The following TCF7L2 variants were observed in gnomAD, a reference collection of about 807,000 sequenced individuals.
TCF7L2 encodes transcription factor 7 like 2.
Under a neutral mutation model 77.9 loss-of-function variants are expected in TCF7L2, and 23 were observed. The observed-to-expected ratio is 0.30, with a 90% confidence interval of 0.21 to 0.42. TCF7L2 has a LOEUF of 0.42. TCF7L2 is among the 10% of genes least tolerant of loss of function. TCF7L2 has a pLI of 1.00. For synonymous variants in TCF7L2, 413 were observed against 340.2 expected (o/e 1.21, Z -2.36); for missense variants, 654 against 793.1 (o/e 0.82, Z 2.11).
chr10:113,011,892 C>T (rs1037557475), intron 4 of TCF7L2, among the ~76,000 whole-genome samples: 5 of 148,990 alleles, frequency 3.4e-5, no homozygotes, highest in African/African-American at 1.2e-4. Flanking sequence ...TGCTGTTGAG[C>T]ATTACTACCT....
chr10:112,995,478 G>A (rs1017448226), intron 4 of TCF7L2, among the ~76,000 whole-genome samples: 8 of 152,166 alleles, frequency 5.3e-5, no homozygotes, highest in East Asian at 1.9e-4. Flanking sequence ...CTTGGACACC[G>A]GTGGTGCAGC....
intron 5 of TCF7L2, among the ~76,000 whole-genome samples, chr10:113,118,815 G>A (rs978542851): frequency 2.0e-5 from 3 of 151,622 alleles, no homozygotes; most frequent in Non-Finnish European, 2.9e-5. Flanking sequence ...TTTGTATTAC[G>A]CTCTGGGATT....
chr10:113,060,402 A>G (rs1157315548), intron 5 of TCF7L2, among the ~76,000 whole-genome samples: 1 of 152,204 alleles, frequency 6.6e-6, no homozygotes, highest in Non-Finnish European at 1.5e-5. Flanking sequence ...TTACAAAAGC[A>G]GTGACTGAGC....
intron 3 of TCF7L2, among the ~76,000 whole-genome samples, chr10:112,959,677 C>G (rs1050037349): frequency 6.6e-6 from 1 of 152,076 alleles, no homozygotes; most frequent in African/African-American, 2.4e-5. Flanking sequence ...CAGAGGCCCC[C>G]CTTGGTACTT....
At chr10:113,146,497 T>G (rs1204869237) in intron 8 of TCF7L2, among the ~76,000 whole-genome samples, 3 of 152,288 alleles carry the variant, frequency 2.0e-5, no homozygotes, top group East Asian at 3.9e-4. Context: ...CAGACTCTGA[T>G]TGCAAGTCAA....
At chr10:113,123,163 C>G (rs2065055041) in intron 5 of TCF7L2, among the ~76,000 whole-genome samples, 1 of 152,172 alleles carries the variant, frequency 6.6e-6, no homozygotes, top group African/African-American at 2.4e-5. Context: ...AATAGCAGAT[C>G]AATAAGTTTC....
chr10:112,964,074 G>A (rs756135732), intron 3 of TCF7L2, among the ~76,000 whole-genome samples: 1 of 152,126 alleles, frequency 6.6e-6, no homozygotes, highest in African/African-American at 2.4e-5. Flanking sequence ...GGAGAGTTGG[G>A]GCCCAGTTAT....
At chr10:112,978,638 T>C (rs942316542) in intron 4 of TCF7L2, among the ~76,000 whole-genome samples, 7 of 149,482 alleles carry the variant, frequency 4.7e-5, no homozygotes, top group African/African-American at 1.7e-4. Context: ...GGCTAATTTT[T>C]TTTTTTTTTT....
chr10:113,001,160 G>A (rs2044402002), intron 4 of TCF7L2, among the ~76,000 whole-genome samples: 1 of 152,190 alleles, frequency 6.6e-6, no homozygotes. Flanking sequence ...AGTGACAGGC[G>A]GTTTGAGAAC....
intron 5 of TCF7L2, among the ~76,000 whole-genome samples, chr10:113,046,665 G>A (rs2053520378): frequency 6.6e-6 from 1 of 151,994 alleles, no homozygotes; most frequent in Non-Finnish European, 1.5e-5. Context: ...ACTTAAGGAT[G>A]GGAATTGCTA....
intron 8 of TCF7L2, 140 bp from the exon 9 acceptor site, chr10:113,150,858 C>A (rs2137115533): frequency 1.9e-6 from 2 of 1,070,692 alleles, no homozygotes; most frequent in Non-Finnish European, 2.6e-6. Context: ...CTAATTAATG[C>A]TGACAGGTTT....
chr10:113,157,821 C>T (rs951757037), intron 11 of TCF7L2, 200 bp from the exon 12 acceptor site: 4 of 547,382 alleles, frequency 7.3e-6, no homozygotes, highest in Non-Finnish European at 1.3e-5. Flanking sequence ...TCCCAAGAAG[C>T]GTGTGTCCCT....
intron 11 of TCF7L2, among the ~76,000 whole-genome samples, 175 bp downstream of exon 11, chr10:113,152,615 C>T (rs1240185789): frequency 6.6e-6 from 1 of 152,124 alleles, no homozygotes; most frequent in African/African-American, 2.4e-5. Flanking sequence ...GAGGGGCTTC[C>T]CGTGTGGATG....
At chr10:112,969,869 A>T (rs187877230) in intron 4 of TCF7L2, among the ~76,000 whole-genome samples, 12 of 152,318 alleles carry the variant, frequency 7.9e-5, no homozygotes, top group Non-Finnish European at 1.6e-4. Context: ...ATTGTAGATA[A>T]TGTTTAGGCA....
chr10:113,028,999 T>G (rs1269315260), intron 4 of TCF7L2, among the ~76,000 whole-genome samples: 9 of 152,188 alleles, frequency 5.9e-5, no homozygotes, highest in Non-Finnish European at 1.3e-4. Context: ...GAAGAAGAAA[T>G]AGCAAATCTT....
At chr10:113,079,216 T>G (rs1017619291) in intron 5 of TCF7L2, among the ~76,000 whole-genome samples, 1 of 152,190 alleles carries the variant, frequency 6.6e-6, no homozygotes, top group East Asian at 1.9e-4. Flanking sequence ...AATTTGTTAC[T>G]GTTTTGGTGG....
intron 5 of TCF7L2, among the ~76,000 whole-genome samples, chr10:113,099,588 T>C (rs2061410467): frequency 6.6e-6 from 1 of 152,184 alleles, no homozygotes; most frequent in African/African-American, 2.4e-5. Flanking sequence ...TAGGGCTATG[T>C]GTGTGGTGGG....
At chr10:113,008,933 TTTTTG>T (rs1158475575) in intron 4 of TCF7L2, among the ~76,000 whole-genome samples, 3 of 152,110 alleles carry the variant, frequency 2.0e-5, no homozygotes, top group South Asian at 2.1e-4. Flanking sequence ...AATCTCATCT[TTTTTG>T]TTTTGTTTTG....
chr10:113,063,867 G>A (rs1277838782), intron 5 of TCF7L2, among the ~76,000 whole-genome samples: 3 of 150,240 alleles, frequency 2.0e-5, no homozygotes, highest in Admixed American at 1.3e-4. Flanking sequence ...GGAGAAGAGT[G>A]TATGTGTGTG....
Sources: gnomAD v4.1 joint callset for allele counts (sites outside exome capture counted in the v4.1 genomes callset) on GRCh38, gnomAD v4.1.1 for gene constraint, MANE v1.5 for transcripts, NCBI Gene and HGNC (gene_info 2026-07-23, HGNC 2026-07-21) for gene names.